Variants in ENDOD1 observed in about 807,000 individuals in gnomAD.
The protein encoded by ENDOD1 is endonuclease domain containing 1.
A neutral mutation model predicts 6.5 loss-of-function variants in ENDOD1; 9 were observed. That is an observed-to-expected ratio of 1.39 (90% CI 0.84 to 2.43). The LOEUF is 2.43. Among genes scored for constraint, ENDOD1 ranks in the 30% most tolerant of loss-of-function variants. The pLI is 0.00. For missense variants in ENDOD1, 648 were observed against 635.5 expected (o/e 1.02, Z -0.21); for synonymous variants, 255 against 255.2 (o/e 1.00, Z 0.01).
chr11:95,107,769 T>A (rs1859104348), intron 1 of ENDOD1, among the ~76,000 whole-genome samples: 1 of 152,146 alleles, frequency 6.6e-6, no homozygotes, highest in South Asian at 2.1e-4. Context: ...CAAGCGATTC[T>A]CCTGCCTCAG....
chr11:95,114,919 A>G (rs1231935198), intron 1 of ENDOD1, among the ~76,000 whole-genome samples: 21 of 152,182 alleles, frequency 1.4e-4, no homozygotes, highest in African/African-American at 5.1e-4. Flanking sequence ...ATTTGAAGTC[A>G]GGTAGTATGA....
chr11:95,109,150 C>A (rs1303982176), intron 1 of ENDOD1, among the ~76,000 whole-genome samples: 2 of 152,226 alleles, frequency 1.3e-5, no homozygotes, highest in African/African-American at 2.4e-5. Flanking sequence ...TTTGTCCCCA[C>A]GGAGTTGGAT....
chr11:95,122,016 C>T (rs1327690986), intron 1 of ENDOD1, among the ~76,000 whole-genome samples: 5 of 152,082 alleles, frequency 3.3e-5, no homozygotes, highest in Non-Finnish European at 7.4e-5. Flanking sequence ...CAGAAATTGC[C>T]ATCTGAAATA....
chr11:95,092,346 G>A (rs1858939015), intron 1 of ENDOD1, among the ~76,000 whole-genome samples: 1 of 152,162 alleles, frequency 6.6e-6, no homozygotes, highest in African/African-American at 2.4e-5. Flanking sequence ...TAGGGAGGCA[G>A]AGCCATTTAT....
chr11:95,118,399 T>C (rs1859231253), intron 1 of ENDOD1, among the ~76,000 whole-genome samples: 1 of 152,208 alleles, frequency 6.6e-6, no homozygotes, highest in South Asian at 2.1e-4. Context: ...GGTTATTTCT[T>C]ATTCATGTAT....
At chr11:95,128,068 C>T (rs1276995344) in intron 1 of ENDOD1, among the ~76,000 whole-genome samples, 1 of 152,174 alleles carries the variant, frequency 6.6e-6, no homozygotes, top group Non-Finnish European at 1.5e-5. Flanking sequence ...CCCCAGACTA[C>T]AACAGATTTT....
chr11:95,113,493 T>G lies in ENDOD1; in HGVS notation c.301-14884T>G, dbSNP rs1193279607. ...TAGATCCCACAAATAAGTGAGAAAA[T>G]GCAATGTTTGTATTTCTGTGGCTGG... On this transcript the variant is annotated intron_variant, in intron 1 of 1. Transcript: ENST00000278505. 4.6e-5 allele frequency among the ~76,000 whole-genome samples: 7 copies of G among 152,176 alleles called. No individual in the cohort carries two copies. The East Asian group carries it at 1.3e-3, about 29-fold the overall frequency.
Position 95,129,116 on chromosome 11 carries a change from A to G in ENDOD1, c.1040A>G (p.Tyr347Cys). The G allele has an allele frequency of 6.2e-7, 1 of 1,614,112 alleles. No individual in the cohort carries two copies. The highest frequency in any genetic ancestry group is 8.5e-7 in the Non-Finnish European group (1 of 1,180,026). ...TPFIKLFQLI[Y>C]YLVVAILKNI... ...TTCATCAAGCTTTTTCAATTAATTT[A>G]TTACCTTGTGGTAGCAATCCTGAAG... The change falls in exon 2 of 2, where the codon TAT (tyrosine) becomes TGT (cysteine). Residue 347 changes from tyrosine (Y) to cysteine (C), a missense_variant. Transcript: ENST00000278505.
chr11:95,120,471 G>T (rs1391593320), intron 1 of ENDOD1, among the ~76,000 whole-genome samples: 1 of 152,048 alleles, frequency 6.6e-6, no homozygotes, highest in Non-Finnish European at 1.5e-5. Context: ...AGGGGCTAGG[G>T]CCTAGAAACG....
chr11:95,119,520 G>GTC (rs1215646769), intron 1 of ENDOD1, among the ~76,000 whole-genome samples: 4 of 152,306 alleles, frequency 2.6e-5, no homozygotes, highest in African/African-American at 9.6e-5. Context: ...AACAGACAGA[G>GTC]TCTCTCTCTC....
At chr11:95,127,536 G>A (rs536753716) in intron 1 of ENDOD1, among the ~76,000 whole-genome samples, 14 of 152,198 alleles carry the variant, frequency 9.2e-5, no homozygotes, top group South Asian at 2.1e-4. Flanking sequence ...ATTTAAATGC[G>A]CTGATTAGAG....
chr11:95,120,128 C>CG (rs1205473601), intron 1 of ENDOD1, among the ~76,000 whole-genome samples: 5 of 152,088 alleles, frequency 3.3e-5, no homozygotes, highest in Non-Finnish European at 7.4e-5. Flanking sequence ...GTCCTAGAAT[C>CG]GGGGGCCCCA....
intron 1 of ENDOD1, among the ~76,000 whole-genome samples, chr11:95,108,145 C>T (rs1447296516): frequency 1.3e-5 from 2 of 152,170 alleles, no homozygotes; most frequent in Non-Finnish European, 1.5e-5. Flanking sequence ...TTAAAGAATT[C>T]CTCCTTTTAT....
At chr11:95,114,465 A>G (rs1426182550) in intron 1 of ENDOD1, among the ~76,000 whole-genome samples, 1 of 151,904 alleles carries the variant, frequency 6.6e-6, no homozygotes, top group Non-Finnish European at 1.5e-5. Flanking sequence ...TCTTCACTTT[A>G]TTAATTGTTT....
chr11:95,122,589 T>TACACACACACACACACAC (rs55940348), intron 1 of ENDOD1, among the ~76,000 whole-genome samples: 36 of 142,730 alleles, frequency 2.5e-4, no homozygotes, highest in African/African-American at 7.6e-4. Flanking sequence ...GCATTTAAGT[T>TACACACACACACACACAC]ACACACACAC....
intron 1 of ENDOD1, among the ~76,000 whole-genome samples, chr11:95,124,082 C>T (rs1477519676): frequency 6.6e-6 from 1 of 151,554 alleles, no homozygotes; most frequent in Admixed American, 6.6e-5. Context: ...ACAGAGAAAT[C>T]TTAAAGGAAC....
intron 1 of ENDOD1, among the ~76,000 whole-genome samples, chr11:95,119,516 CAG>C (rs1221353002): frequency 1.3e-5 from 2 of 152,232 alleles, no homozygotes; most frequent in Non-Finnish European, 2.9e-5. Context: ...CTCAAACAGA[CAG>C]AGTCTCTCTC....
chr11:95,091,440 GT>G (rs1190471952), intron 1 of ENDOD1, among the ~76,000 whole-genome samples: 1 of 152,170 alleles, frequency 6.6e-6, no homozygotes, highest in Non-Finnish European at 1.5e-5. Context: ...GATAACACTT[GT>G]CGAGATCAGG....
intron 1 of ENDOD1, among the ~76,000 whole-genome samples, chr11:95,117,740 G>C (rs565763968): frequency 3.0e-4 from 45 of 152,236 alleles, no homozygotes; most frequent in Middle Eastern, 3.4e-3. Flanking sequence ...TTTGATTGGA[G>C]AGTTTAGTCC....
Sources: gnomAD v4.1 joint callset for allele counts (sites outside exome capture counted in the v4.1 genomes callset) on GRCh38, gnomAD v4.1.1 for gene constraint, MANE v1.5 for transcripts, NCBI Gene and HGNC (gene_info 2026-07-23, HGNC 2026-07-21) for gene names.